HDHD5: variants seen among roughly 807,000 people sequenced by gnomAD.
HDHD5 encodes haloacid dehalogenase like hydrolase domain containing 5.
A neutral mutation model predicts 35.5 loss-of-function variants in HDHD5; 34 were observed. That is an observed-to-expected ratio of 0.96 (90% confidence interval 0.73 to 1.28). The LOEUF is 1.28. Ranked by LOEUF, HDHD5 falls within the 50% of genes most tolerant of loss-of-function variation. The pLI, the probability that HDHD5 is intolerant of heterozygous loss-of-function variation, is 0.00. For synonymous variants in HDHD5, 248 were observed against 240.6 expected (o/e 1.03, Z -0.29); for missense variants, 589 against 560.2 (o/e 1.05, Z -0.52).
chr22:17,150,730 G>A lies in HDHD5; in HGVS notation c.127-985C>T, dbSNP rs548336972. ...GACGAGGTTATGCCATGTTGACCAG[G>A]CTGGTCTTGAACTCCTGACCTTAGG... On this transcript the variant is annotated intron_variant, in intron 1 of 7. Transcript: ENST00000336737. Among the ~76,000 whole-genome samples, 4 of 152,172 alleles carry A rather than the reference G, an allele frequency of 2.6e-5. No homozygotes were observed. The South Asian group carries it at 8.3e-4, about 32-fold the overall frequency.
At chr22:17,155,647 C>T (rs1436887089) in intron 1 of HDHD5, among the ~76,000 whole-genome samples, 1 of 152,150 alleles carries the variant, frequency 6.6e-6, no homozygotes, top group African/African-American at 2.4e-5. Flanking sequence ...CCTCACCCAT[C>T]ACTCCAACCC....
chr22:17,140,936 G>C, intron 6 of HDHD5, 123 bp downstream of exon 6: 1 of 809,282 alleles, frequency 1.2e-6, no homozygotes, highest in Non-Finnish European at 1.9e-6. Context: ...GCAACAACAG[G>C]GCCTACCTAA....
intron 5 of HDHD5, 142 bp downstream of exon 5, chr22:17,142,956 A>T: frequency 1.3e-6 from 1 of 781,108 alleles, no homozygotes; most frequent in Admixed American, 2.9e-5. Context: ...TAAGTGGCAG[A>T]TCCAGACCAG....
At position 17,143,111 on chromosome 22, in the gene HDHD5, G is replaced by GAA. The variant is rs2061617466; in HGVS notation, c.556_557dup (p.Pro187SerfsTer10). 1.2e-6 allele frequency: 2 copies of GAA among 1,610,042 alleles called. No homozygotes were observed. The highest frequency in any genetic ancestry group is 1.1e-5 in the South Asian group (1 of 90,050). ...GACCTCTCTTACCTTCAATGCGGGG[G>GAA]AAGTCATTCCTCGGGAGGGGCTGCA... On this transcript the variant is annotated frameshift_variant, in exon 5 of 8. Transcript: ENST00000336737. LOFTEE classifies it high-confidence loss of function.
Position 17,138,591 on chromosome 22 carries a change from C to T in HDHD5, c.894G>A (p.Arg298=). The T allele has an allele frequency of 6.2e-7, 1 of 1,614,196 alleles. No homozygotes were observed. Residue 298 remains arginine (R), a synonymous_variant, in exon 7 of 8, where the codon AGG becomes AGA. Transcript: ENST00000336737. ...TCCGGATGGGGGCGGCCCAGCCCCGCCTCTCCGCCTGTCGCCTGATCAGGT... is the reference window on the plus strand; with the variant it reads ...TCCGGATGGGGGCGGCCCAGCCCCGTCTCTCCGCCTGTCGCCTGATCAGGT... The part of the protein sequence containing the change: ...AEDLIRRQAE[R]RGWAAPIRKL...
chr22:17,148,378 A>C, intron 3 of HDHD5, 70 bp downstream of exon 3: 1 of 1,263,774 alleles, frequency 7.9e-7, no homozygotes, highest in Non-Finnish European at 1.2e-6. Flanking sequence ...TACAGTCCCC[A>C]CTCAGCTAAG....
chr22:17,163,018 G>C (rs925375288), upstream of HDHD5, among the ~76,000 whole-genome samples: 2 of 152,186 alleles, frequency 1.3e-5, no homozygotes, highest in African/African-American at 4.8e-5. Flanking sequence ...TTCGTATTCA[G>C]GTTCAGAATA....
At chr22:17,144,151 G>T (rs984938258) in intron 4 of HDHD5, among the ~76,000 whole-genome samples, 10 of 152,352 alleles carry the variant, frequency 6.6e-5, no homozygotes, top group Admixed American at 3.3e-4. Flanking sequence ...CAGTAAGTCT[G>T]GAACTCCTTG....
At chr22:17,140,656 G>A (rs1033059079) in intron 6 of HDHD5, among the ~76,000 whole-genome samples, 1 of 152,098 alleles carries the variant, frequency 6.6e-6, no homozygotes, top group Non-Finnish European at 1.5e-5. Flanking sequence ...AAGGGTAAAA[G>A]GAAACCAGAA....
rs745843939 is a variant in HDHD5 at position 17,148,525 on chromosome 22, G to A, written c.366C>T (p.Pro122=). 1 of 1,614,188 alleles carries A rather than the reference G, an allele frequency of 6.2e-7. No individual in the cohort carries two copies. ...CATGGTACTCGGAGAAGAGCTTCATGGGGCTGTGAGAGAGGATAACTTGGT... is the reference window on the plus strand; with the variant it reads ...CATGGTACTCGGAGAAGAGCTTCATAGGGCTGTGAGAGAGGATAACTTGGT... The part of the protein sequence containing the change: ...DADQVILSHS[P]MKLFSEYHEK... The change falls in exon 3 of 8, where the codon CCC becomes CCT. Residue 122 remains proline (P), a synonymous_variant. Transcript: ENST00000336737.
At chr22:17,145,779 C>G (rs2061655840) in intron 3 of HDHD5, among the ~76,000 whole-genome samples, 1 of 152,100 alleles carries the variant, frequency 6.6e-6, no homozygotes, top group Non-Finnish European at 1.5e-5. Context: ...TGCTGCTAGT[C>G]AGTGCTGAGT....
intron 6 of HDHD5, 44 bp from the exon 7 acceptor site, chr22:17,138,782 A>G (rs1177420637): frequency 6.2e-7 from 1 of 1,608,146 alleles, no homozygotes; most frequent in Non-Finnish European, 8.5e-7. Context: ...CCTGATCTCC[A>G]GGCTCTTCTA....
upstream of HDHD5, among the ~76,000 whole-genome samples, chr22:17,160,541 C>T (rs989833699): frequency 2.7e-5 from 4 of 150,598 alleles, no homozygotes; most frequent in African/African-American, 9.8e-5. Context: ...CCCAGCTACT[C>T]GGGAGGCTGA....
At chr22:17,143,384 A>G in intron 4 of HDHD5, 1 of 438,888 alleles carries the variant, frequency 2.3e-6, no homozygotes, top group Non-Finnish European at 4.0e-6. Flanking sequence ...AAGGGTGGTC[A>G]GCTGTCTTTC....
intron 1 of HDHD5, chr22:17,158,923 T>C (rs1379464172): frequency 5.1e-6 from 2 of 392,228 alleles, no homozygotes; most frequent in Non-Finnish European, 8.2e-6. Flanking sequence ...GGGAGTAGCG[T>C]TTCCGAGGCC....
intron 1 of HDHD5, among the ~76,000 whole-genome samples, chr22:17,151,441 C>T (rs1339320055): frequency 1.3e-5 from 2 of 152,080 alleles, no homozygotes; most frequent in African/African-American, 2.4e-5. Flanking sequence ...ACAGAAATGG[C>T]GCTACAGGCC....
intron 7 of HDHD5, 78 bp downstream of exon 7, chr22:17,138,472 G>A (rs964810249): frequency 3.5e-5 from 54 of 1,547,184 alleles, no homozygotes; most frequent in Non-Finnish European, 4.4e-5. Context: ...TAGATATAGG[G>A]AAATGGGGGT....
chr22:17,155,831 A>G (rs939294672), intron 1 of HDHD5, among the ~76,000 whole-genome samples: 1 of 152,256 alleles, frequency 6.6e-6, no homozygotes. Flanking sequence ...CCTTAAGATT[A>G]TAATGGAACA....
At chr22:17,157,076 T>TCTCA (rs1555881505) in intron 1 of HDHD5, among the ~76,000 whole-genome samples, 70 of 56,168 alleles carry the variant, frequency 1.2e-3, no homozygotes, top group African/African-American at 4.9e-3. Context: ...AGACACCGTC[T>TCTCA]CACACACATA....
Sources: gnomAD v4.1 joint callset for allele counts (sites outside exome capture counted in the v4.1 genomes callset) on GRCh38, gnomAD v4.1.1 for gene constraint, MANE v1.5 for transcripts, NCBI Gene and HGNC (gene_info 2026-07-23, HGNC 2026-07-21) for gene names.